Variants in DLGAP2 observed in about 807,000 individuals in gnomAD.
The protein encoded by DLGAP2 is DLG associated protein 2, also known as disks large-associated protein 2.
A neutral mutation model predicts 100.3 loss-of-function variants in DLGAP2; 26 were observed. That is an observed-to-expected ratio of 0.26 (90% confidence interval 0.19 to 0.36). DLGAP2 has a LOEUF of 0.36. Ranked by LOEUF, DLGAP2 falls within the 10% of genes least tolerant of loss-of-function variation. The probability of loss-of-function intolerance (pLI) is 1.00; values close to 1 mark genes in which losing one functional copy is unlikely to be tolerated. For missense variants in DLGAP2, 1,858 were observed against 1,453.2 expected, an observed-to-expected ratio of 1.28 and a Z score of -4.53; for synonymous variants, 886 against 630.1, an observed-to-expected ratio of 1.41 and a Z score of -6.08.
At chr8:972,194 C>G (rs914811674) in intron 2 of DLGAP2, among the ~76,000 whole-genome samples, 1 of 152,184 alleles carries the variant, frequency 6.6e-6, no homozygotes, top group South Asian at 2.1e-4. Flanking sequence ...AAATCTCACC[C>G]TAAAGTTTCA....
At position 1,622,909 on chromosome 8, in the gene DLGAP2, G is replaced by A. The variant is rs188674227; in HGVS notation, c.1443-3831G>A. Among the ~76,000 whole-genome samples the A allele has an allele frequency of 1.2e-4, 19 of 152,248 alleles. No homozygotes were observed. The East Asian group carries it at 2.1e-3, about 17-fold the overall frequency. On this transcript the variant is annotated intron_variant, in intron 6 of 14. Transcript: ENST00000637795. ...TCAGGTGGATTTTGTGGAGTGAGCC[G>A]TGCTGGGGACTTCACCCTGTGTCAC...
intron 6 of DLGAP2, among the ~76,000 whole-genome samples, chr8:1,615,526 A>T (rs1202070520): frequency 6.6e-6 from 1 of 152,234 alleles, no homozygotes; most frequent in African/African-American, 2.4e-5. Context: ...GTAAGGTCTT[A>T]TGAATGATAT....
intron 2 of DLGAP2, among the ~76,000 whole-genome samples, chr8:1,076,246 G>A (rs914620330): frequency 6.6e-6 from 1 of 152,190 alleles, no homozygotes; most frequent in Non-Finnish European, 1.5e-5. Context: ...GTGAAGGAAT[G>A]AGCCTATACC....
chr8:1,230,942 C>T (rs973776196), intron 2 of DLGAP2, among the ~76,000 whole-genome samples: 2 of 152,126 alleles, frequency 1.3e-5, no homozygotes, highest in Non-Finnish European at 2.9e-5. Context: ...TGGACATCAG[C>T]CTTGGGAAAG....
chr8:1,415,497 G>C (rs7812917), intron 3 of DLGAP2, among the ~76,000 whole-genome samples: 41,532 of 151,862 alleles, frequency 0.27, 5,996 homozygotes, highest in South Asian at 0.36. Flanking sequence ...GGTGTCTGCT[G>C]TTCGCACCTT....
At chr8:1,287,064 A>G (rs117093817) in intron 3 of DLGAP2, among the ~76,000 whole-genome samples, 1 of 152,268 alleles carries the variant, frequency 6.6e-6, no homozygotes, top group East Asian at 1.9e-4. Context: ...ACATGGTTCT[A>G]TTAGGGGAAC....
At chr8:1,140,686 C>A (rs987034736) in intron 2 of DLGAP2, among the ~76,000 whole-genome samples, 3 of 152,168 alleles carry the variant, frequency 2.0e-5, no homozygotes, top group Non-Finnish European at 2.9e-5. Flanking sequence ...AAATTCCCTG[C>A]CTTGGCCGGG....
intron 3 of DLGAP2, chr8:1,369,592 G>A (rs112528108): frequency 6.6e-6 from 1 of 151,112 alleles, no homozygotes; most frequent in East Asian, 1.9e-4. Context: ...GTATCTTACA[G>A]GACGTCCCAT....
intron 1 of DLGAP2, among the ~76,000 whole-genome samples, chr8:902,059 C>T (rs889316195): frequency 6.6e-6 from 1 of 152,162 alleles, no homozygotes; most frequent in Non-Finnish European, 1.5e-5. Context: ...AACCGAGGAA[C>T]CCTGGTGGGT....
At chr8:963,388 C>T (rs926622230) in intron 2 of DLGAP2, among the ~76,000 whole-genome samples, 1 of 152,166 alleles carries the variant, frequency 6.6e-6, no homozygotes, top group South Asian at 2.1e-4. Context: ...GCAGATTACA[C>T]AAAAGATAAA....
intron 2 of DLGAP2, among the ~76,000 whole-genome samples, chr8:1,099,907 G>A (rs891669114): frequency 6.6e-6 from 1 of 152,200 alleles, no homozygotes; most frequent in African/African-American, 2.4e-5. Flanking sequence ...ATGCCGCAAA[G>A]CTCTTACAGT....
At chr8:1,313,208 T>G (rs915845394) in intron 3 of DLGAP2, among the ~76,000 whole-genome samples, 1 of 152,210 alleles carries the variant, frequency 6.6e-6, no homozygotes, top group Non-Finnish European at 1.5e-5. Context: ...TAGCAAAAGT[T>G]GTCTGTAAAG....
intron 8 of DLGAP2, among the ~76,000 whole-genome samples, chr8:1,650,914 C>G (rs1019019746): frequency 6.6e-6 from 1 of 151,048 alleles, no homozygotes; most frequent in African/African-American, 2.5e-5. Flanking sequence ...GAGACAGAAG[C>G]TTGGGTGACA....
chr8:1,175,995 C>T (rs1797244578), intron 2 of DLGAP2, among the ~76,000 whole-genome samples: 1 of 152,204 alleles, frequency 6.6e-6, no homozygotes, highest in South Asian at 2.1e-4. Flanking sequence ...GTCATACCAT[C>T]CGCCCGATAA....
chr8:1,049,556 A>G (rs913798756), intron 2 of DLGAP2, among the ~76,000 whole-genome samples: 9 of 152,174 alleles, frequency 5.9e-5, no homozygotes, highest in African/African-American at 9.7e-5. Context: ...TATAAAAGGT[A>G]GGGCGTATAC....
intron 2 of DLGAP2, among the ~76,000 whole-genome samples, chr8:1,229,192 G>C (rs1300851607): frequency 6.6e-6 from 1 of 151,088 alleles, no homozygotes; most frequent in Non-Finnish European, 1.5e-5. Context: ...ATAAAATATT[G>C]AAATATTGAG....
chr8:973,433 C>T (rs35819358), intron 2 of DLGAP2, among the ~76,000 whole-genome samples: 10,101 of 150,918 alleles, frequency 0.067, 472 homozygotes, highest in Admixed American at 0.13. Context: ...ACCTCCCAGA[C>T]GGGGTCACGG....
intron 3 of DLGAP2, among the ~76,000 whole-genome samples, chr8:1,414,987 C>T (rs1197722035): frequency 6.6e-6 from 1 of 151,640 alleles, no homozygotes; most frequent in Admixed American, 6.6e-5. Context: ...CGAGCCTGGG[C>T]AACAGAGCAA....
At position 994,482 on chromosome 8, in the gene DLGAP2, G is replaced by A. The variant is rs189760086; in HGVS notation, c.73+86516G>A. On this transcript the variant is annotated intron_variant, in intron 2 of 14. Transcript: ENST00000637795. ...CCCAAAGTGCTGGGATTACAGGCAT[G>A]AGCCACTGCACCCAGCCTGGTGTTT... Among the ~76,000 whole-genome samples the A allele has an allele frequency of 2.9e-3, 436 of 152,324 alleles. 11 individuals are homozygous for A. The highest frequency in any genetic ancestry group is 0.027 in the Admixed American group (414 of 15,294).
Sources: gnomAD v4.1 joint callset for allele counts (sites outside exome capture counted in the v4.1 genomes callset) on GRCh38, gnomAD v4.1.1 for gene constraint, MANE v1.5 for transcripts, NCBI Gene and HGNC (gene_info 2026-07-23, HGNC 2026-07-21) for gene names.